The following COBL variants were observed in gnomAD, a reference collection of about 807,000 sequenced individuals.
COBL encodes the protein cordon-bleu WH2 repeat protein, also known as protein cordon-bleu.
In COBL, 51 loss-of-function variants were observed where a neutral mutation model predicts 98.8. The ratio of observed to expected loss-of-function variants is 0.52; its 90% CI spans 0.41 to 0.65. The LOEUF (loss-of-function observed/expected upper bound fraction) is 0.65. Ranked by LOEUF, COBL falls within the 30% of genes least tolerant of loss-of-function variation. The probability of loss-of-function intolerance (pLI) is 0.00; values close to 1 mark genes in which losing one functional copy is unlikely to be tolerated. For synonymous variants in COBL, 634 were observed against 651.7 expected, an observed-to-expected ratio of 0.97 and a Z score of 0.41; for missense variants, 1,617 against 1,617.5, an observed-to-expected ratio of 1.00 and a Z score of 0.01.
chr7:51,108,588 T>C (rs1374196631), intron 6 of COBL, among the ~76,000 whole-genome samples: 1 of 152,198 alleles, frequency 6.6e-6, no homozygotes, highest in Non-Finnish European at 1.5e-5. Flanking sequence ...TCTGTTTGCT[T>C]TTCCCATCTG....
At chr7:51,207,950 T>G (rs1174221712) in intron 2 of COBL, among the ~76,000 whole-genome samples, 1 of 136,268 alleles carries the variant, frequency 7.3e-6, no homozygotes, top group Admixed American at 7.6e-5. Context: ...GTGAGGAGCG[T>G]CTCTGCCTGG....
chr7:51,078,212 G>T (rs1367757866), intron 7 of COBL, among the ~76,000 whole-genome samples: 8 of 152,110 alleles, frequency 5.3e-5, no homozygotes, highest in Admixed American at 5.2e-4. Context: ...TTACTCAATT[G>T]TAGTCAATGA....
At chr7:51,038,024 G>C (rs1176803914) in intron 8 of COBL, among the ~76,000 whole-genome samples, 2 of 152,086 alleles carry the variant, frequency 1.3e-5, no homozygotes, top group Non-Finnish European at 2.9e-5. Context: ...GCTATTTTTT[G>C]TAATTTTAGT....
At chr7:51,285,320 A>C (rs1800250668) in intron 1 of COBL, among the ~76,000 whole-genome samples, 1 of 152,128 alleles carries the variant, frequency 6.6e-6, no homozygotes, top group Non-Finnish European at 1.5e-5. Context: ...ATTTGGACAG[A>C]GAGAAATAAA....
intron 1 of COBL, among the ~76,000 whole-genome samples, chr7:51,307,602 A>C (rs1584463257): frequency 6.6e-6 from 1 of 152,356 alleles, no homozygotes; most frequent in East Asian, 1.9e-4. Flanking sequence ...GTGAAACATG[A>C]TGGTAAGCAA....
rs965894564 is a variant in COBL at position 51,316,789 on chromosome 7, G to A, written c.-156C>T. The A allele has an allele frequency of 1.6e-5, 8 of 508,950 alleles. No homozygotes were observed. In the Admixed American group the frequency reaches 2.9e-4, roughly 18 times the overall value. The allele number at this position is 508,950 out of a possible 1,614,324, so 31.5% of individuals were successfully genotyped here. A position where few individuals can be genotyped will look rare whatever the true frequency, so the allele number is the denominator to read the frequency against. On this transcript the variant is annotated 5_prime_UTR_variant, in exon 1 of 13. Transcript: ENST00000265136. Reference sequence around the variant, plus strand: ...GGACAGCGGCGGAGCGCGGCGGACGGAAGGGGCTGGAATCGTCTCTAGCGG... The same window carrying A: ...GGACAGCGGCGGAGCGCGGCGGACGAAAGGGGCTGGAATCGTCTCTAGCGG...
chr7:51,097,892 C>T (rs550404703), intron 6 of COBL, among the ~76,000 whole-genome samples: 19 of 151,806 alleles, frequency 1.3e-4, no homozygotes, highest in African/African-American at 2.9e-4. Context: ...GGCATGGTGG[C>T]GGGCACCTGT....
At chr7:51,228,683 C>T (rs1277787062) in intron 1 of COBL, among the ~76,000 whole-genome samples, 2 of 152,130 alleles carry the variant, frequency 1.3e-5, no homozygotes, top group African/African-American at 4.8e-5. Context: ...TATGGGAACA[C>T]TGATATCTCA....
chr7:51,143,531 T>C (rs1191980053), intron 5 of COBL, among the ~76,000 whole-genome samples: 2 of 152,190 alleles, frequency 1.3e-5, no homozygotes, highest in Non-Finnish European at 2.9e-5. Context: ...ATTCTGTTAA[T>C]GAGCATTTTA....
chr7:51,100,921 A>AAC (rs1554386588), intron 6 of COBL, among the ~76,000 whole-genome samples: 2 of 149,492 alleles, frequency 1.3e-5, no homozygotes, highest in African/African-American at 2.4e-5. Context: ...AACAAAAAAA[A>AAC]AACAACAACA....
intron 12 of COBL, 76 bp downstream of exon 12, chr7:51,025,033 C>T: frequency 6.3e-7 from 1 of 1,592,310 alleles, no homozygotes; most frequent in Non-Finnish European, 8.6e-7. Flanking sequence ...TGCCCACAGG[C>T]AAGCGTGTCC....
At chr7:51,190,774 G>A in intron 4 of COBL, 76 bp downstream of exon 4, 1 of 1,199,760 alleles carries the variant, frequency 8.3e-7, no homozygotes, top group South Asian at 1.3e-5. Flanking sequence ...GTGCTGGGGA[G>A]AGCCAACAGG....
At chr7:51,196,904 C>T (rs1584134598) in intron 2 of COBL, among the ~76,000 whole-genome samples, 1 of 151,420 alleles carries the variant, frequency 6.6e-6, no homozygotes, top group African/African-American at 2.4e-5. Flanking sequence ...TGTTTATATA[C>T]ATCTCCTCTC....
At chr7:51,140,257 T>C (rs967650213) in intron 5 of COBL, among the ~76,000 whole-genome samples, 5 of 152,136 alleles carry the variant, frequency 3.3e-5, no homozygotes, top group Non-Finnish European at 4.4e-5. Context: ...TGTCATTCAA[T>C]GGATAGTCGA....
In COBL at chr7:51,221,460, A is replaced by G. The variant is rs555741817; in HGVS notation, c.42-1516T>C. Among the ~76,000 whole-genome samples the G allele has an allele frequency of 2.0e-5, 3 of 152,398 alleles. No homozygotes were observed. In the South Asian group the frequency reaches 6.2e-4, roughly 32 times the overall value. On this transcript the variant is annotated intron_variant, in intron 1 of 12. Transcript: ENST00000265136. Reference sequence around the variant, plus strand: ...CATCAAACAAATAATCTAATCATGCATCAATGAAAGACAATGTCAATAAAT... The same window carrying G: ...CATCAAACAAATAATCTAATCATGCGTCAATGAAAGACAATGTCAATAAAT...
At position 51,170,541 on chromosome 7, in the gene COBL, C is replaced by G. The variant is rs931724983; in HGVS notation, c.783+13561G>C. On this transcript the variant is annotated intron_variant, in intron 5 of 12. Transcript: ENST00000265136. Reference sequence around the variant, plus strand: ...TATATATATATATATAAATATATATCACATACATATATATATGTCACATAT... The same window carrying G: ...TATATATATATATATAAATATATATGACATACATATATATATGTCACATAT... Among the ~76,000 whole-genome samples the G allele has an allele frequency of 1.8e-3, 254 of 144,390 alleles. 1 individual carries two copies. The highest frequency in any genetic ancestry group is 6.1e-3 in the African/African-American group (235 of 38,802). The allele number at this position is 144,390 out of a possible 152,430, so 94.7% of individuals were successfully genotyped here. A position where few individuals can be genotyped will look rare whatever the true frequency, so the allele number is the denominator to read the frequency against.
intron 6 of COBL, among the ~76,000 whole-genome samples, chr7:51,098,099 T>A (rs536947720): frequency 1.3e-5 from 2 of 151,128 alleles, no homozygotes; most frequent in Admixed American, 1.3e-4. Context: ...CTACAAAACA[T>A]TGCTGGAATT....
chr7:51,063,887 C>T (rs1040697562), intron 7 of COBL, among the ~76,000 whole-genome samples: 3 of 152,206 alleles, frequency 2.0e-5, no homozygotes, highest in African/African-American at 7.2e-5. Context: ...CTCAAAAGCA[C>T]TTTTTCTTTC....
chr7:51,218,250 CT>C (rs1793285399), intron 2 of COBL, among the ~76,000 whole-genome samples: 2 of 152,148 alleles, frequency 1.3e-5, no homozygotes, highest in Non-Finnish European at 2.9e-5. Context: ...AGACTGTCAC[CT>C]GGAATTTTGA....
Sources: gnomAD v4.1 joint callset for allele counts (sites outside exome capture counted in the v4.1 genomes callset) on GRCh38, gnomAD v4.1.1 for gene constraint, MANE v1.5 for transcripts, NCBI Gene and HGNC (gene_info 2026-07-23, HGNC 2026-07-21) for gene names.